Variants in TIGD1 observed in about 807,000 individuals in gnomAD.
TIGD1 encodes tigger transposable element-derived protein 1.
In TIGD1, 20 loss-of-function variants were observed where a neutral mutation model predicts 21.3. That is an observed-to-expected ratio of 0.94 (90% CI 0.66 to 1.36). The LOEUF is 1.36. TIGD1 is among the 40% of genes most tolerant of loss of function. TIGD1 has a pLI of 0.00. For missense variants in TIGD1, 556 were observed against 350.5 expected (o/e 1.59, Z -4.68); for synonymous variants, 177 against 123.2 (o/e 1.44, Z -2.89).
Position 232,544,715 on chromosome 2 carries a change from T to C in TIGD1, c.*3392A>G. ...CTGGGGTCCCTAAGGAGAGGCCATC[T>C]TCTCTGCCTGTTTCTCCTCCATTCT... On this transcript the variant is annotated 3_prime_UTR_variant, in exon 1 of 1. Transcript: ENST00000408957. 1 of 1,608,074 alleles carries C rather than the reference T, an allele frequency of 6.2e-7. No homozygotes were observed. Among genetic ancestry groups the C allele is most frequent in the South Asian group, 1.1e-5 (1 of 90,828 alleles).
rs1157717725 is a variant in TIGD1 at position 232,549,618 on chromosome 2, A to G, written c.265T>C (p.Trp89Arg). ...TTGCGGCTGGTCTGATCTTCTATCC[A>G]GACCACTAAAACCTTCTCCATATCA... ...IADMEKVLVV[W>R]IEDQTSRNIP... The change falls in exon 1 of 1, where the codon TGG (tryptophan) becomes CGG (arginine). Residue 89 changes from tryptophan to arginine, a missense_variant. Trp to Arg is a moderately radical substitution (Grantham distance 101, BLOSUM62 -3). Coordinates refer to ENST00000408957, the MANE Select transcript of TIGD1 (RefSeq NM_145702.4). 4.3e-6 allele frequency: 3 copies of G among 698,448 alleles called. No individual in the cohort carries two copies. The highest frequency in any genetic ancestry group is 1.5e-5 in the South Asian group (1 of 64,686). The allele number at this position is 698,448 out of a possible 1,614,324, so 43.3% of individuals were successfully genotyped here. A position where few individuals can be genotyped will look rare whatever the true frequency, so the allele number is the denominator to read the frequency against.
rs767544170 is a variant in TIGD1, at chr2:232,544,864, A to C, written c.*3243T>G. 1.2e-6 allele frequency: 2 copies of C among 1,613,834 alleles called. No individual in the cohort carries two copies. The highest frequency in any genetic ancestry group is 2.7e-5 in the African/African-American group (2 of 74,908). ...GGCCTGTGTGGAAGCCTGCAACCTC[A>C]TTGCCTGTGCCCGGCACCAGCAGAG... On this transcript the variant is annotated 3_prime_UTR_variant, in exon 1 of 1. Coordinates refer to ENST00000408957, the MANE Select transcript of TIGD1 (RefSeq NM_145702.4).
In TIGD1 at chr2:232,550,551, C is replaced by T. The variant is rs557198089; in HGVS notation, c.-669G>A. The T allele has an allele frequency of 1.6e-5, 13 of 822,388 alleles. No individual in the cohort carries two copies. In the East Asian group the frequency reaches 1.7e-4, roughly 11 times the overall value. 50.9% of individuals were successfully genotyped at this position (822,388 alleles called of 1,614,324 possible). ...AGCCAGCTCCGCCGCTGAGTCCAGC[C>T]CTCTGCGCAGCCGCCCTGAGCTGGC... On this transcript the variant is annotated 5_prime_UTR_variant, in exon 1 of 1. Coordinates refer to ENST00000408957, the MANE Select transcript of TIGD1 (RefSeq NM_145702.4).
Position 232,544,440 on chromosome 2 carries a change from C to A in TIGD1, c.*3667G>T. ...CTGGCCCCGGCAGCTGTGCAGGACACCCAGTCCCGGCTACAGAATGGCTCC... is the reference window on the plus strand; with the variant it reads ...CTGGCCCCGGCAGCTGTGCAGGACAACCAGTCCCGGCTACAGAATGGCTCC... On this transcript the variant is annotated 3_prime_UTR_variant, in exon 1 of 1. Transcript: ENST00000408957. The A allele has an allele frequency of 1.9e-6, 3 of 1,613,688 alleles. No individual in the cohort carries two copies. The highest frequency in any genetic ancestry group is 8.5e-7 in the Non-Finnish European group (1 of 1,180,000).
chr2:232,549,158 TC>T lies in TIGD1; in HGVS notation c.724del (p.Glu242LysfsTer26). The T allele has an allele frequency of 1.4e-6, 1 of 714,918 alleles. No homozygotes were observed. Among genetic ancestry groups the T allele is most frequent in the Non-Finnish European group, 2.6e-6 (1 of 384,558 alleles). 44.3% of individuals were successfully genotyped at this position (714,918 alleles called of 1,614,324 possible). On this transcript the variant is annotated frameshift_variant, in exon 1 of 1. Coordinates refer to ENST00000408957, the MANE Select transcript of TIGD1 (RefSeq NM_145702.4). LOFTEE classifies it high-confidence loss of function. ...ATAATTCTTAAGGGCCCTAGGATTT[TC>T]AGAATGGTAAATAAGCATTGGCTTC... ...KLKPMLIYHS[E>X]NPRALKNYTK... is the part of the protein sequence containing the mutation.
In TIGD1 at chr2:232,544,689, G is replaced by C; in HGVS notation, c.*3418C>G. The stretch of plus-strand genomic sequence containing the variant: ...AAGTGCCCAGGTCAGGGAGAGAGGA[G>C]CTGGGGTCCCTAAGGAGAGGCCATC... On this transcript the variant is annotated 3_prime_UTR_variant, in exon 1 of 1. Coordinates refer to ENST00000408957, the MANE Select transcript of TIGD1 (RefSeq NM_145702.4). The C allele has an allele frequency of 6.3e-7, 1 of 1,576,046 alleles. No individual in the cohort carries two copies. Among genetic ancestry groups the C allele is most frequent in the Non-Finnish European group, 8.7e-7 (1 of 1,147,102 alleles).
At position 232,548,289 on chromosome 2, in the gene TIGD1, C is replaced by T; in HGVS notation, c.1594G>A (p.Glu532Lys). The change falls in exon 1 of 1, where the codon GAA becomes AAA. Residue 532 changes from glutamate to lysine, a missense_variant. By Grantham distance (56) the Glu-to-Lys change is moderately conservative (BLOSUM62 1). Coordinates refer to ENST00000408957, the MANE Select transcript of TIGD1 (RefSeq NM_145702.4). ...TGACTCTTCCTTTCATGAAAGATTT[C>T]TCTGTAGCATGCGATGCTGTTTGAT... ...MLSNSIACYR[E>K]IFHERKSQLM... 1 of 1,531,152 alleles carries T rather than the reference C, an allele frequency of 6.5e-7. No homozygotes were observed. Among genetic ancestry groups the T allele is most frequent in the Non-Finnish European group, 8.8e-7 (1 of 1,141,790 alleles). The allele number at this position is 1,531,152 out of a possible 1,614,324, so 94.8% of individuals were successfully genotyped here.
At position 232,548,344 on chromosome 2, in the gene TIGD1, A is replaced by C; in HGVS notation, c.1539T>G (p.Phe513Leu). 1 of 1,301,902 alleles carries C rather than the reference A, an allele frequency of 7.7e-7. No individual in the cohort carries two copies. Among genetic ancestry groups the C allele is most frequent in the Admixed American group, 2.1e-5 (1 of 47,870 alleles). 80.6% of individuals were successfully genotyped at this position (1,301,902 alleles called of 1,614,324 possible). A position where few individuals can be genotyped will look rare whatever the true frequency, so the allele number is the denominator to read the frequency against. ...TTTTGCCCACAGTAGAGCTTCTTTC[A>C]AAATTGGAGTCAATCCTCTCAAACC... ...AAGFERIDSNFERSSTVGKML... is the reference protein window; with the variant it reads ...AAGFERIDSNLERSSTVGKML... Residue 513 changes from phenylalanine (F) to leucine (L), a missense_variant, in exon 1 of 1, where the codon TTT (phenylalanine) becomes TTG (leucine). Coordinates refer to ENST00000408957, the MANE Select transcript of TIGD1 (RefSeq NM_145702.4).
Position 232,544,938 on chromosome 2 carries a change from G to GT in TIGD1, c.*3168dup. On this transcript the variant is annotated 3_prime_UTR_variant, in exon 1 of 1. Coordinates refer to ENST00000408957, the MANE Select transcript of TIGD1 (RefSeq NM_145702.4). ...TCAGGGTGGGGTGGAGGTGGAGTGA[G>GT]TACCTGGGCTTGGAACCGTGATAGA... The GT allele has an allele frequency of 6.2e-7, 1 of 1,613,222 alleles. No homozygotes were observed. The highest frequency in any genetic ancestry group is 1.1e-5 in the South Asian group (1 of 91,038).
Position 232,545,756 on chromosome 2 carries a change from TG to T in TIGD1, c.*2350del, listed in dbSNP as rs749601749. 2 of 1,606,064 alleles carry T rather than the reference TG, an allele frequency of 1.2e-6. No individual in the cohort carries two copies. Among genetic ancestry groups the T allele is most frequent in the African/African-American group, 1.3e-5 (1 of 74,934 alleles). On this transcript the variant is annotated 3_prime_UTR_variant, in exon 1 of 1. Coordinates refer to ENST00000408957, the MANE Select transcript of TIGD1 (RefSeq NM_145702.4). ...GTGGGGCATGTGGGAGTCACACACG[TG>T]GGTCACACTGAGTCTTATCAGCCAC...
Position 232,549,602 on chromosome 2 carries a change from G to A in TIGD1, c.281C>T (p.Thr94Ile), listed in dbSNP as rs1480042517. The change falls in exon 1 of 1, where the codon ACC (threonine) becomes ATC (isoleucine). Residue 94 changes from threonine to isoleucine, a missense_variant. Coordinates refer to ENST00000408957, the MANE Select transcript of TIGD1 (RefSeq NM_145702.4). ...TTGGCTTAAGGGAATGTTGCGGCTG[G>A]TCTGATCTTCTATCCAGACCACTAA... ...KVLVVWIEDQ[T>I]SRNIPLSQSL... 1 of 689,928 alleles carries A rather than the reference G, an allele frequency of 1.4e-6. No homozygotes were observed. The highest frequency in any genetic ancestry group is 2.0e-5 in the Admixed American group (1 of 49,016). 42.7% of individuals were successfully genotyped at this position (689,928 alleles called of 1,614,324 possible). A position where few individuals can be genotyped will look rare whatever the true frequency, so the allele number is the denominator to read the frequency against.
rs1692093499 is a variant in TIGD1, at chr2:232,544,798, C to A, written c.*3309G>T. The A allele has an allele frequency of 6.2e-7, 1 of 1,614,050 alleles. No homozygotes were observed. The highest frequency in any genetic ancestry group is 8.5e-7 in the Non-Finnish European group (1 of 1,180,018). ...GAAAGGCCCGGAGTTAGGGCTGAGC[C>A]AGTTCTGTGGCAGCCTGAAGCAGGC... On this transcript the variant is annotated 3_prime_UTR_variant, in exon 1 of 1. Transcript: ENST00000408957.
rs1179437478 is a variant in TIGD1 at position 232,545,268 on chromosome 2, C to T, written c.*2839G>A. ...GTTGCAGTGAGCCAAGCCAAGATCGCACCACTGCACTCTGGCCTGGGTGAA... is the reference window on the plus strand; with the variant it reads ...GTTGCAGTGAGCCAAGCCAAGATCGTACCACTGCACTCTGGCCTGGGTGAA... On this transcript the variant is annotated 3_prime_UTR_variant, in exon 1 of 1. Transcript: ENST00000408957. Among the ~76,000 whole-genome samples, 1 of 150,794 alleles carries T rather than the reference C, an allele frequency of 6.6e-6. No homozygotes were observed. The highest frequency in any genetic ancestry group is 6.6e-5 in the Admixed American group (1 of 15,108).
In TIGD1 at chr2:232,549,090, C is replaced by A. The variant is rs1384491458; in HGVS notation, c.793G>T (p.Ala265Ser). The part of the protein sequence containing the change: ...LPVLYKWNSK[A>S]RMTAHLFTAW... ...GTAAACAGATGTGCTGTCATCCGGG[C>A]TTTGCTGTTCCATTTATATAGCACG... The change falls in exon 1 of 1, where the codon GCC becomes TCC. Residue 265 changes from alanine (A) to serine (S), a missense_variant. By Grantham distance (99) the Ala-to-Ser change is moderately conservative. Transcript: ENST00000408957. 1.4e-6 allele frequency: 1 copy of A among 715,836 alleles called. No homozygotes were observed. Among genetic ancestry groups the A allele is most frequent in the East Asian group, 2.7e-5 (1 of 37,288 alleles). The allele number at this position is 715,836 out of a possible 1,614,324, so 44.3% of individuals were successfully genotyped here.
chr2:232,548,619 C>T lies in TIGD1; in HGVS notation c.1264G>A (p.Glu422Lys). 1 of 536,094 alleles carries T rather than the reference C, an allele frequency of 1.9e-6. No individual in the cohort carries two copies. Among genetic ancestry groups the T allele is most frequent in the Non-Finnish European group, 3.5e-6 (1 of 284,220 alleles). The allele number at this position is 536,094 out of a possible 1,614,324, so 33.2% of individuals were successfully genotyped here. A position where few individuals can be genotyped will look rare whatever the true frequency, so the allele number is the denominator to read the frequency against. The change falls in exon 1 of 1, where the codon GAG becomes AAG. Residue 422 changes from glutamate to lysine, a missense_variant. Physicochemically the swap from Glu to Lys is moderately conservative, Grantham distance 56. Coordinates refer to ENST00000408957, the MANE Select transcript of TIGD1 (RefSeq NM_145702.4). ...DDYEGFKTSVEEVSADVVEIA... is the reference protein window; with the variant it reads ...DDYEGFKTSVKEVSADVVEIA... ...TCCACCACATCTGCACTTACTTCCT[C>T]CACTGAAGTCTTGAACCCCTCATAG...
In TIGD1 at chr2:232,549,248, A is replaced by C; in HGVS notation, c.635T>G (p.Phe212Cys). Residue 212 changes from phenylalanine to cysteine, a missense_variant, in exon 1 of 1, where the codon TTC becomes TGC. By Grantham distance (205) the Phe-to-Cys change is radical. Coordinates refer to ENST00000408957, the MANE Select transcript of TIGD1 (RefSeq NM_145702.4). ...AGTCAGCCTGTCCTTTGAAGCTTTG[A>C]AGCCAGGCACTGACTTCTCCTCTCT... ...IAREEKSVPG[F>C]KASKDRLTLL... is the part of the protein sequence containing the mutation. 3.0e-6 allele frequency: 2 copies of C among 666,150 alleles called. No individual in the cohort carries two copies. Among genetic ancestry groups the C allele is most frequent in the Non-Finnish European group, 5.4e-6 (2 of 368,342 alleles). 41.3% of individuals were successfully genotyped at this position (666,150 alleles called of 1,614,324 possible). A position where few individuals can be genotyped will look rare whatever the true frequency, so the allele number is the denominator to read the frequency against.
Position 232,549,615 on chromosome 2 carries a change from T to C in TIGD1, c.268A>G (p.Ile90Val). 1 of 696,772 alleles carries C rather than the reference T, an allele frequency of 1.4e-6. No homozygotes were observed. Among genetic ancestry groups the C allele is most frequent in the South Asian group, 1.6e-5 (1 of 64,148 alleles). 43.2% of individuals were successfully genotyped at this position (696,772 alleles called of 1,614,324 possible). Residue 90 changes from isoleucine to valine, a missense_variant, in exon 1 of 1, where the codon ATA (isoleucine) becomes GTA (valine). Physicochemically the swap from Ile to Val is conservative, Grantham distance 29. Coordinates refer to ENST00000408957, the MANE Select transcript of TIGD1 (RefSeq NM_145702.4). ...ATGTTGCGGCTGGTCTGATCTTCTATCCAGACCACTAAAACCTTCTCCATA... is the reference window on the plus strand; with the variant it reads ...ATGTTGCGGCTGGTCTGATCTTCTACCCAGACCACTAAAACCTTCTCCATA... The part of the protein sequence containing the change: ...ADMEKVLVVW[I>V]EDQTSRNIPL...
Position 232,545,790 on chromosome 2 carries a change from T to C in TIGD1, c.*2317A>G. On this transcript the variant is annotated 3_prime_UTR_variant, in exon 1 of 1. Coordinates refer to ENST00000408957, the MANE Select transcript of TIGD1 (RefSeq NM_145702.4). ...CTGAGTCTTATCAGCCACGTTCTCCTACTGAGGTCCTAAGTGTGCTCTTTG... is the reference window on the plus strand; with the variant it reads ...CTGAGTCTTATCAGCCACGTTCTCCCACTGAGGTCCTAAGTGTGCTCTTTG... The C allele has an allele frequency of 1.3e-6, 2 of 1,518,660 alleles. No individual in the cohort carries two copies. Among genetic ancestry groups the C allele is most frequent in the Non-Finnish European group, 1.8e-6 (2 of 1,096,402 alleles). 94.1% of individuals were successfully genotyped at this position (1,518,660 alleles called of 1,614,324 possible). A position where few individuals can be genotyped will look rare whatever the true frequency, so the allele number is the denominator to read the frequency against.
chr2:232,545,551 GGAGTGGTTCCTGGTGGGCC>G lies in TIGD1; in HGVS notation c.*2537_*2555del. On this transcript the variant is annotated 3_prime_UTR_variant, in exon 1 of 1. Coordinates refer to ENST00000408957, the MANE Select transcript of TIGD1 (RefSeq NM_145702.4). ...CTGCCTCCCACCCTCAGGGGAATGA[GGAGTGGTTCCTGGTGGGCC>G]GAGTGCTGGACCGCGTCTGCTTCCT... 1 of 1,613,760 alleles carries G rather than the reference GGAGTGGTTCCTGGTGGGCC, an allele frequency of 6.2e-7. No individual in the cohort carries two copies. The highest frequency in any genetic ancestry group is 8.5e-7 in the Non-Finnish European group (1 of 1,179,948).
Sources: allele counts gnomAD v4.1 joint callset (sites outside exome capture counted in the v4.1 genomes callset), GRCh38; gene constraint gnomAD v4.1.1; transcripts MANE v1.5; gene names NCBI Gene and HGNC (gene_info 2026-07-23, HGNC 2026-07-21).